RBFOX1: variants seen among roughly 807,000 people sequenced by gnomAD.
RBFOX1 encodes the protein RNA binding fox-1 homolog 1, also known as RNA binding protein fox-1 homolog 1.
A neutral mutation model predicts 57.7 loss-of-function variants in RBFOX1; 8 were observed. The ratio of observed to expected loss-of-function variants is 0.14; its 90% CI spans 0.08 to 0.25. The LOEUF is 0.25. Ranked by LOEUF, RBFOX1 falls within the 10% of genes least tolerant of loss-of-function variation. The pLI is 1.00. For missense variants in RBFOX1, 611 were observed against 548.5 expected, an observed-to-expected ratio of 1.11 and a Z score of -1.14; for synonymous variants, 326 against 222.4, an observed-to-expected ratio of 1.47 and a Z score of -4.15.
chr16:6,067,371 AAAACAAACCAACC>A (rs936628518), intron 1 of RBFOX1, among the ~76,000 whole-genome samples: 93 of 20,826 alleles, frequency 4.5e-3, no homozygotes, highest in African/African-American at 0.025. Flanking sequence ...AATAGAGGCA[AAAACAAACCAACC>A]AAACAAACAA....
intron 3 of RBFOX1, among the ~76,000 whole-genome samples, chr16:6,760,015 G>A (rs1385356910): frequency 6.6e-6 from 1 of 152,308 alleles, no homozygotes; most frequent in South Asian, 2.1e-4. Context: ...CATTAATAGT[G>A]AAATGGTGGA....
chr16:6,447,823 G>A (rs907988871), intron 2 of RBFOX1, among the ~76,000 whole-genome samples: 2 of 152,138 alleles, frequency 1.3e-5, no homozygotes, highest in African/African-American at 2.4e-5. Context: ...GAGAACATCC[G>A]TTCTTATTAA....
chr16:5,292,855 C>T (rs1458009899), intron 1 of RBFOX1, among the ~76,000 whole-genome samples: 2 of 152,018 alleles, frequency 1.3e-5, no homozygotes, highest in South Asian at 2.1e-4. Context: ...GATCTCCTGA[C>T]CTCGTGGTCC....
chr16:7,599,453 T>C (rs1025136749), intron 9 of RBFOX1, among the ~76,000 whole-genome samples: 1 of 99,772 alleles, frequency 1.0e-5, no homozygotes, highest in Non-Finnish European at 2.9e-5. Context: ...ACTAGACCTG[T>C]AGGATTTTTT....
intron 3 of RBFOX1, among the ~76,000 whole-genome samples, chr16:7,045,763 C>T (rs1392451387): frequency 6.6e-6 from 1 of 152,126 alleles, no homozygotes; most frequent in Non-Finnish European, 1.5e-5. Flanking sequence ...TCAAGCAGTT[C>T]TCTTGCCTCA....
intron 14 of RBFOX1, among the ~76,000 whole-genome samples, chr16:7,697,869 C>G (rs1186568873): frequency 6.6e-6 from 1 of 152,172 alleles, no homozygotes; most frequent in Non-Finnish European, 1.5e-5. Flanking sequence ...CCCAAGGGCA[C>G]TGTATGATTC....
chr16:7,469,589 G>T (rs1010931014), intron 4 of RBFOX1, among the ~76,000 whole-genome samples: 1 of 152,100 alleles, frequency 6.6e-6, no homozygotes, highest in Non-Finnish European at 1.5e-5. Context: ...TTGAAAAGTT[G>T]TGATATAGCC....
intron 4 of RBFOX1, among the ~76,000 whole-genome samples, chr16:7,188,462 G>C (rs2152573358): frequency 6.6e-6 from 1 of 152,308 alleles, no homozygotes; most frequent in African/African-American, 2.4e-5. Context: ...GCATGTTACA[G>C]AGGTCTAATA....
chr16:6,925,598 C>G (rs1313980226), intron 3 of RBFOX1, among the ~76,000 whole-genome samples: 1 of 151,828 alleles, frequency 6.6e-6, no homozygotes, highest in Non-Finnish European at 1.5e-5. Flanking sequence ...ATAGAGGAGG[C>G]AATCCATAAA....
intron 3 of RBFOX1, among the ~76,000 whole-genome samples, chr16:5,614,389 G>GA (rs1347027809): frequency 3.3e-5 from 5 of 152,300 alleles, no homozygotes; most frequent in African/African-American, 9.6e-5. Flanking sequence ...CTGAGTCCAT[G>GA]GGGATTTCAT....
intron 4 of RBFOX1, among the ~76,000 whole-genome samples, chr16:7,353,802 G>A (rs996992889): frequency 6.6e-6 from 1 of 152,120 alleles, no homozygotes; most frequent in African/African-American, 2.4e-5. Context: ...AAGGGCTGAG[G>A]GGAGAGAGTA....
intron 4 of RBFOX1, among the ~76,000 whole-genome samples, chr16:7,221,192 A>C (rs1303585246): frequency 1.3e-5 from 2 of 152,150 alleles, no homozygotes; most frequent in African/African-American, 4.8e-5. Context: ...GAATTAAAAC[A>C]GCTGCCTTGT....
intron 1 of RBFOX1, among the ~76,000 whole-genome samples, chr16:6,274,250 A>G (rs907299428): frequency 3.3e-5 from 5 of 152,156 alleles, no homozygotes; most frequent in African/African-American, 1.2e-4. Flanking sequence ...CTGTTCACCA[A>G]TGTTTGTAGC....
chr16:5,739,297 C>T (rs2052692367), intron 3 of RBFOX1, among the ~76,000 whole-genome samples: 1 of 152,226 alleles, frequency 6.6e-6, no homozygotes, highest in Admixed American at 6.5e-5. Flanking sequence ...CCACTTTTAG[C>T]ACATAACTGT....
chr16:6,204,056 T>A (rs1197162497), intron 1 of RBFOX1, among the ~76,000 whole-genome samples: 1 of 151,532 alleles, frequency 6.6e-6, no homozygotes, highest in African/African-American at 2.4e-5. Context: ...CTTTCTACAG[T>A]TATTTCTTTG....
intron 1 of RBFOX1, among the ~76,000 whole-genome samples, chr16:5,273,452 A>T (rs2063065850): frequency 6.6e-6 from 1 of 152,120 alleles, no homozygotes. Flanking sequence ...CCCCAAAGAG[A>T]GGCTGGAATT....
chr16:6,546,921 C>T (rs2096904399), intron 2 of RBFOX1, among the ~76,000 whole-genome samples: 1 of 152,182 alleles, frequency 6.6e-6, no homozygotes, highest in African/African-American at 2.4e-5. Context: ...AGTTTTCAAA[C>T]CCTTAAATCA....
intron 1 of RBFOX1, among the ~76,000 whole-genome samples, chr16:6,085,306 C>G (rs923305087): frequency 1.4e-4 from 21 of 152,174 alleles, no homozygotes; most frequent in Non-Finnish European, 4.4e-5. Flanking sequence ...CGGTTTCGCT[C>G]TTGTTGCCCA....
intron 3 of RBFOX1, among the ~76,000 whole-genome samples, chr16:6,697,828 T>G (rs986745876): frequency 6.6e-6 from 1 of 152,182 alleles, no homozygotes; most frequent in Non-Finnish European, 1.5e-5. Context: ...ATGGCCCACC[T>G]TTAGCCTTCT....
Sources: allele counts gnomAD v4.1 joint callset (sites outside exome capture counted in the v4.1 genomes callset), GRCh38; gene constraint gnomAD v4.1.1; transcripts MANE v1.5; gene names NCBI Gene and HGNC (gene_info 2026-07-23, HGNC 2026-07-21).